The following PARD3 variants were observed in gnomAD, a reference collection of about 807,000 sequenced individuals.
PARD3 encodes partitioning defective 3 homolog.
A neutral mutation model predicts 155.4 loss-of-function variants in PARD3; 75 were observed. The observed-to-expected ratio is 0.48, with a 90% CI of 0.40 to 0.58. The LOEUF (loss-of-function observed/expected upper bound fraction) is 0.58, where lower values mean the gene tolerates loss of function less well. PARD3 is among the 20% of genes least tolerant of loss of function. PARD3 has a pLI of 0.00. For missense variants in PARD3, 1,642 were observed against 1,721.7 expected (o/e 0.95, Z 0.82); for synonymous variants, 576 against 610.5 (o/e 0.94, Z 0.83).
chr10:34,598,917 C>T (rs573110238), intron 2 of PARD3, among the ~76,000 whole-genome samples: 1 of 152,270 alleles, frequency 6.6e-6, no homozygotes, highest in African/African-American at 2.4e-5. Context: ...CAGCCCCTAC[C>T]CACCCTGCCC....
chr10:34,702,558 T>C (rs555656066), intron 1 of PARD3, among the ~76,000 whole-genome samples: 2 of 152,102 alleles, frequency 1.3e-5, no homozygotes, highest in East Asian at 1.9e-4. Context: ...GGAGGAACAA[T>C]TGTAGAGGTG....
chr10:34,276,477 C>T (rs930884333), intron 21 of PARD3, among the ~76,000 whole-genome samples: 1 of 152,088 alleles, frequency 6.6e-6, no homozygotes, highest in South Asian at 2.1e-4. Flanking sequence ...AAATGGATGA[C>T]GCTCGATGAA....
chr10:34,745,974 C>A (rs1221940911), intron 1 of PARD3, among the ~76,000 whole-genome samples: 1 of 151,924 alleles, frequency 6.6e-6, no homozygotes, highest in South Asian at 2.1e-4. Flanking sequence ...TGGTGGCGAG[C>A]GCCTGTAGTC....
rs138190958 is a variant in PARD3, at chr10:34,306,377, C to T, written c.3065+10730G>A. 3.0e-3 allele frequency among the ~76,000 whole-genome samples: 453 copies of T among 152,178 alleles called. 2 individuals carry two copies. Among genetic ancestry groups the T allele is most frequent in the African/African-American group, 0.011 (439 of 41,514 alleles). ...AACTTCAATAATAAACCGGGCCAGG[C>T]GTGGCAGCTCACGCCTGTAATCCTA... On this transcript the variant is annotated intron_variant, in intron 20 of 24. Transcript: ENST00000374788.
At chr10:34,783,623 A>T (rs960226897) in intron 1 of PARD3, among the ~76,000 whole-genome samples, 1 of 151,396 alleles carries the variant, frequency 6.6e-6, no homozygotes, top group African/African-American at 2.4e-5. Context: ...AAAAAAAAAA[A>T]AAAAAAGAAT....
intron 23 of PARD3, among the ~76,000 whole-genome samples, chr10:34,124,398 A>G (rs1947167260): frequency 6.6e-6 from 1 of 152,220 alleles, no homozygotes. Context: ...AAGATTTGGT[A>G]GGGAGCAGAA....
chr10:34,446,262 T>C (rs2076734624), intron 5 of PARD3, among the ~76,000 whole-genome samples: 1 of 152,152 alleles, frequency 6.6e-6, no homozygotes, highest in Non-Finnish European at 1.5e-5. Flanking sequence ...AACTCCCACA[T>C]ATTCCCTAGC....
Position 34,131,454 on chromosome 10 carries a change from A to G in PARD3, c.3540+9T>C, listed in dbSNP as rs374313867. Reference sequence around the variant, plus strand: ...GACCATTCACCGTGCTGAAGAACCAATTACTTACCCAGGGTTGCTCAAAAC... The same window carrying G: ...GACCATTCACCGTGCTGAAGAACCAGTTACTTACCCAGGGTTGCTCAAAAC... On this transcript the variant is annotated intron_variant, in intron 23 of 24. Coordinates refer to ENST00000374788, the MANE Select transcript of PARD3 (RefSeq NM_001184785.2). The G allele has an allele frequency of 3.7e-6, 6 of 1,613,854 alleles. No individual in the cohort carries two copies. Among genetic ancestry groups the G allele is most frequent in the African/African-American group, 2.7e-5 (2 of 74,894 alleles).
At chr10:34,642,784 C>G (rs1276651897) in intron 2 of PARD3, among the ~76,000 whole-genome samples, 1 of 152,096 alleles carries the variant, frequency 6.6e-6, no homozygotes, top group East Asian at 1.9e-4. Context: ...CACTGCTGGT[C>G]AGAGCTACCC....
chr10:34,209,862 A>C (rs1951655491), intron 22 of PARD3, among the ~76,000 whole-genome samples: 1 of 152,230 alleles, frequency 6.6e-6, no homozygotes, highest in South Asian at 2.1e-4. Flanking sequence ...TTATAATGAT[A>C]AAACTGTATC....
Position 34,450,359 on chromosome 10 carries a change from G to A in PARD3, c.672C>T (p.Ala224=), listed in dbSNP as rs1193982246. 2 of 1,613,978 alleles carry A rather than the reference G, an allele frequency of 1.2e-6. No individual in the cohort carries two copies. The highest frequency in any genetic ancestry group is 2.2e-5 in the South Asian group (2 of 91,070). The part of the protein sequence containing the change: ...QRDNARSSLS[A]SHPMVGKWLE... ...GCCACTTGCCCACCATTGGGTGACT[G>A]GCACTCAGAGACGAGCGAGCATTGT... The change falls in exon 5 of 25, where the codon GCC becomes GCT. Residue 224 remains alanine, a synonymous_variant. Coordinates refer to ENST00000374788, the MANE Select transcript of PARD3 (RefSeq NM_001184785.2).
At chr10:34,723,394 G>A (rs2133750878) in intron 1 of PARD3, among the ~76,000 whole-genome samples, 1 of 152,238 alleles carries the variant, frequency 6.6e-6, no homozygotes, top group East Asian at 1.9e-4. Context: ...CACCAATGAT[G>A]GCTGAAACAG....
chr10:34,621,477 C>T (rs1387107740), intron 2 of PARD3, among the ~76,000 whole-genome samples: 2 of 152,138 alleles, frequency 1.3e-5, no homozygotes, highest in East Asian at 1.9e-4. Context: ...GTTGTACAGG[C>T]AAGCCACCGC....
intron 3 of PARD3, among the ~76,000 whole-genome samples, chr10:34,496,853 G>C (rs980037188): frequency 6.6e-6 from 1 of 152,106 alleles, no homozygotes; most frequent in African/African-American, 2.4e-5. Context: ...TATAGCTTAA[G>C]TATTTTTGTT....
At chr10:34,545,866 C>G (rs2084004074) in intron 2 of PARD3, among the ~76,000 whole-genome samples, 1 of 152,076 alleles carries the variant, frequency 6.6e-6, no homozygotes, top group African/African-American at 2.4e-5. Context: ...CCTTTATAAC[C>G]ATTTTAATTA....
chr10:34,449,456 T>TGGGGGGA (rs963252162), intron 5 of PARD3, among the ~76,000 whole-genome samples: 1 of 37,090 alleles, frequency 2.7e-5, no homozygotes, highest in Admixed American at 3.3e-4. Context: ...TCATTGGAGG[T>TGGGGGGA]GGGGGGAGGG....
At chr10:34,745,267 T>C (rs1222273096) in intron 1 of PARD3, among the ~76,000 whole-genome samples, 2 of 151,926 alleles carry the variant, frequency 1.3e-5, no homozygotes, top group Non-Finnish European at 2.9e-5. Context: ...GAGGCTGAGG[T>C]AGGAGAATCT....
At chr10:34,694,968 C>A (rs973405360) in intron 2 of PARD3, among the ~76,000 whole-genome samples, 3 of 152,034 alleles carry the variant, frequency 2.0e-5, no homozygotes, top group Non-Finnish European at 2.9e-5. Context: ...GGGGAGAGGG[C>A]CAGGAATGAG....
chr10:34,277,169 T>C (rs1219839546), intron 21 of PARD3, among the ~76,000 whole-genome samples: 1 of 152,144 alleles, frequency 6.6e-6, no homozygotes, highest in Non-Finnish European at 1.5e-5. Context: ...TTACAGAAAT[T>C]GATCAAATAA....
Sources: allele counts gnomAD v4.1 joint callset (sites outside exome capture counted in the v4.1 genomes callset), GRCh38; gene constraint gnomAD v4.1.1; transcripts MANE v1.5; gene names NCBI Gene and HGNC (gene_info 2026-07-23, HGNC 2026-07-21).